TRIO: variants seen among roughly 807,000 people sequenced by gnomAD.
TRIO encodes triple functional domain protein.
In TRIO, 58 loss-of-function variants were observed where a neutral mutation model predicts 351.9. The observed-to-expected ratio is 0.16, with a 90% CI of 0.13 to 0.21. The LOEUF (loss-of-function observed/expected upper bound fraction) is 0.21, where lower values mean the gene tolerates loss of function less well. Among genes scored for constraint, TRIO ranks in the 10% least tolerant of loss-of-function variants. The pLI, the probability that TRIO is intolerant of heterozygous loss-of-function variation, is 1.00. For synonymous variants in TRIO, 1,758 were observed against 1,595.7 expected, an observed-to-expected ratio of 1.10 and a Z score of -2.42; for missense variants, 3,201 against 4,027.8, an observed-to-expected ratio of 0.79 and a Z score of 5.56.
intron 2 of TRIO, among the ~76,000 whole-genome samples, chr5:14,272,536 C>T (rs1209578113): frequency 1.3e-5 from 2 of 152,186 alleles, no homozygotes; most frequent in African/African-American, 4.8e-5. Context: ...ACAAAATCGG[C>T]AGTCTTTCAG....
chr5:14,476,695 G>A (rs1202524484), intron 40 of TRIO, among the ~76,000 whole-genome samples, 199 bp from the exon 41 acceptor site: 1 of 151,932 alleles, frequency 6.6e-6, no homozygotes, highest in Non-Finnish European at 1.5e-5. Flanking sequence ...TTGGGAGGCT[G>A]AGGCAGGAGA....
At chr5:14,384,000 G>A (rs987182789) in intron 21 of TRIO, among the ~76,000 whole-genome samples, 6 of 152,148 alleles carry the variant, frequency 3.9e-5, no homozygotes, top group Non-Finnish European at 5.9e-5. Flanking sequence ...TCCCCGGCTC[G>A]CTGAGACTCG....
intron 1 of TRIO, among the ~76,000 whole-genome samples, chr5:14,265,579 C>T (rs1453500310): frequency 2.6e-5 from 4 of 151,998 alleles, no homozygotes; most frequent in South Asian, 4.1e-4. Context: ...ATAAATAAAT[C>T]GGAGAGGGGC....
intron 1 of TRIO, among the ~76,000 whole-genome samples, chr5:14,217,815 A>C (rs949387400): frequency 7.9e-5 from 12 of 152,194 alleles, no homozygotes; most frequent in Non-Finnish European, 1.5e-4. Context: ...GTGTGTGGGC[A>C]TTCCCAGCCT....
intron 11 of TRIO, among the ~76,000 whole-genome samples, chr5:14,340,121 G>A (rs1277803329): frequency 7.2e-5 from 11 of 152,160 alleles, no homozygotes; most frequent in African/African-American, 1.9e-4. Flanking sequence ...TTGGCTGGGC[G>A]TGGTGATTCA....
At chr5:14,293,156 G>A in intron 6 of TRIO, 22 bp downstream of exon 6, 1 of 1,613,832 alleles carries the variant, frequency 6.2e-7, no homozygotes, top group East Asian at 2.2e-5. Context: ...GGAACAGCTG[G>A]ACCCTGGCAT....
intron 6 of TRIO, among the ~76,000 whole-genome samples, chr5:14,296,560 A>G (rs1053436287): frequency 6.6e-6 from 1 of 152,204 alleles, no homozygotes; most frequent in African/African-American, 2.4e-5. Context: ...TATTTACAGA[A>G]TATTTTCTGT....
intron 1 of TRIO, among the ~76,000 whole-genome samples, chr5:14,234,388 T>G (rs1229241248): frequency 6.6e-6 from 1 of 152,066 alleles, no homozygotes; most frequent in Non-Finnish European, 1.5e-5. Context: ...GTGGGTGGGG[T>G]GGTAGCTGCC....
chr5:14,379,944 C>T (rs1745920272), intron 20 of TRIO, among the ~76,000 whole-genome samples: 1 of 152,176 alleles, frequency 6.6e-6, no homozygotes, highest in Non-Finnish European at 1.5e-5. Flanking sequence ...GGCGCAGGCC[C>T]CTCCCGCCTG....
chr5:14,262,755 C>T (rs936157363), intron 1 of TRIO, among the ~76,000 whole-genome samples: 1 of 151,828 alleles, frequency 6.6e-6, no homozygotes, highest in South Asian at 2.1e-4. Context: ...GCCACGAGGT[C>T]GATGGTTTAT....
intron 9 of TRIO, among the ~76,000 whole-genome samples, chr5:14,327,813 G>A (rs141146937): frequency 6.6e-6 from 1 of 152,278 alleles, no homozygotes; most frequent in African/African-American, 2.4e-5. Context: ...TCATGCCCAG[G>A]AGCACATTCC....
intron 15 of TRIO, among the ~76,000 whole-genome samples, chr5:14,365,468 G>T (rs1375702775): frequency 6.6e-6 from 1 of 152,170 alleles, no homozygotes; most frequent in Non-Finnish European, 1.5e-5. Context: ...GCAGAAGTAG[G>T]TGGCACTCAC....
At chr5:14,447,448 A>G (rs1752523275) in intron 34 of TRIO, among the ~76,000 whole-genome samples, 1 of 152,210 alleles carries the variant, frequency 6.6e-6, no homozygotes, top group Admixed American at 6.5e-5. Flanking sequence ...ATTTTTTAAA[A>G]TAATAATAAA....
chr5:14,257,804 G>A (rs974772136), intron 1 of TRIO, among the ~76,000 whole-genome samples: 1 of 152,206 alleles, frequency 6.6e-6, no homozygotes, highest in Non-Finnish European at 1.5e-5. Context: ...AAGTAAAGAT[G>A]TCTGTCTTAA....
At chr5:14,296,264 T>A (rs1377048703) in intron 6 of TRIO, among the ~76,000 whole-genome samples, 2 of 151,770 alleles carry the variant, frequency 1.3e-5, no homozygotes, top group Non-Finnish European at 2.9e-5. Context: ...GTGAAAAAAA[T>A]AAAAAATACA....
rs544402908 is a variant in TRIO at position 14,232,225 on chromosome 5, C to G, written c.158-38600C>G. Among the ~76,000 whole-genome samples, 180 of 152,280 alleles carry G rather than the reference C, an allele frequency of 1.2e-3. 1 individual carries two copies. The highest frequency in any genetic ancestry group is 3.9e-3 in the African/African-American group (160 of 41,552). On this transcript the variant is annotated intron_variant, in intron 1 of 56. Coordinates refer to ENST00000344204, the MANE Select transcript of TRIO (RefSeq NM_007118.4). ...ATAGCATATTTCTGCCATATGGGGGCTTCTCCCGGTTCCGTGAGTGAGGCA... is the reference window on the plus strand; with the variant it reads ...ATAGCATATTTCTGCCATATGGGGGGTTCTCCCGGTTCCGTGAGTGAGGCA...
intron 46 of TRIO, among the ~76,000 whole-genome samples, chr5:14,484,823 C>T (rs1177541606): frequency 6.6e-6 from 1 of 152,156 alleles, no homozygotes; most frequent in Non-Finnish European, 1.5e-5. Context: ...CATTTGACTA[C>T]TCTAAGGACT....
chr5:14,482,560 C>G, intron 45 of TRIO, 22 bp from the exon 46 acceptor site: 1 of 1,420,816 alleles, frequency 7.0e-7, no homozygotes, highest in Non-Finnish European at 9.3e-7. Context: ...CCTTCCTTTT[C>G]CCCCTTTATT....
chr5:14,359,957 C>T (rs1362482554), intron 13 of TRIO, among the ~76,000 whole-genome samples: 1 of 152,104 alleles, frequency 6.6e-6, no homozygotes, highest in Non-Finnish European at 1.5e-5. Context: ...CTGTCGTCTT[C>T]TCATCCTTCC....
Sources: allele counts gnomAD v4.1 joint callset (sites outside exome capture counted in the v4.1 genomes callset), GRCh38; gene constraint gnomAD v4.1.1; transcripts MANE v1.5; gene names NCBI Gene and HGNC (gene_info 2026-07-23, HGNC 2026-07-21).